Variants in TMCO6 observed in about 807,000 individuals in gnomAD.
TMCO6 encodes the protein transmembrane and coiled-coil domain-containing protein 6.
In TMCO6, 47 loss-of-function variants were observed where a neutral mutation model predicts 61.8. The ratio of observed to expected loss-of-function variants is 0.76; its 90% confidence interval spans 0.60 to 0.97. The LOEUF is 0.97. Among genes scored for constraint, TMCO6 ranks in the 50% least tolerant of loss-of-function variants. The probability of loss-of-function intolerance (pLI) is 0.00; values close to 1 mark genes in which losing one functional copy is unlikely to be tolerated. For synonymous variants in TMCO6, 261 were observed against 254.2 expected (o/e 1.03, Z -0.25); for missense variants, 557 against 601.6 (o/e 0.93, Z 0.78).
downstream of TMCO6, chr5:140,646,931 C>T (rs141695979): frequency 4.1e-4 from 106 of 259,334 alleles, 2 homozygotes; most frequent in East Asian, 7.8e-3. Context: ...TCACACACTA[C>T]CTGGACTGAC....
At chr5:140,641,523 A>T in intron 2 of TMCO6, 142 bp from the exon 3 acceptor site, 1 of 672,338 alleles carries the variant, frequency 1.5e-6, no homozygotes, top group Non-Finnish European at 2.6e-6. Flanking sequence ...ACTGCAAGGT[A>T]GATGCTTATT....
chr5:140,642,361 CTG>C lies in TMCO6; in HGVS notation c.548_549del (p.Val183GlufsTer39), dbSNP rs1174576473. On this transcript the variant is annotated frameshift_variant, in exon 5 of 12. Transcript: ENST00000394671. LOFTEE classifies it high-confidence loss of function. ...GGTAACCTGATCGTGGAGAGTGAGG[CTG>C]TGAGAAGGCAGCTCCTGCCACAGGG... 6.2e-7 allele frequency: 1 copy of C among 1,613,870 alleles called. No homozygotes were observed. Among genetic ancestry groups the C allele is most frequent in the South Asian group, 1.1e-5 (1 of 91,024 alleles).
chr5:140,621,685 C>A, the TMCO6 span, among the ~76,000 whole-genome samples: 1 of 152,192 alleles, frequency 6.6e-6, no homozygotes, highest in African/African-American at 2.4e-5. Flanking sequence ...AGCCATATTT[C>A]TCTTCTTTTA....
the TMCO6 span, chr5:140,633,338 C>A: frequency 8.5e-6 from 5 of 588,648 alleles, no homozygotes; most frequent in Non-Finnish European, 1.5e-5. Flanking sequence ...GGGACCGTAA[C>A]AGGAAGGATT....
the TMCO6 span, among the ~76,000 whole-genome samples, chr5:140,619,727 G>C: frequency 2.6e-5 from 4 of 152,014 alleles, no homozygotes; most frequent in Non-Finnish European, 5.9e-5. Context: ...AGCTCCTCTT[G>C]GTTTGTTTTC....
the TMCO6 span, among the ~76,000 whole-genome samples, chr5:140,605,478 G>A: frequency 9.9e-5 from 15 of 152,116 alleles, no homozygotes; most frequent in South Asian, 2.9e-3. Context: ...TCAGGAGTTC[G>A]AGACCAGCCT....
chr5:140,643,628 G>A lies in TMCO6; in HGVS notation c.871G>A (p.Asp291Asn). The part of the protein sequence containing the change: ...ALSTLGLLLL[D>N]LAGAVQKTED... The stretch of plus-strand genomic sequence containing the variant: ...GTCTACTCTGGGGTTGCTGCTGTTG[G>A]ACTTGGCTGGGGCTGTCCAGAAAAC... The change falls in exon 8 of 12, where the codon GAC becomes AAC. Residue 291 changes from aspartate to asparagine, a missense_variant. By Grantham distance (23) the Asp-to-Asn change is conservative. Transcript: ENST00000394671. 4.3e-6 allele frequency: 7 copies of A among 1,614,070 alleles called. No homozygotes were observed. Among genetic ancestry groups the A allele is most frequent in the Non-Finnish European group, 5.9e-6 (7 of 1,179,970 alleles).
chr5:140,631,956 G>A, the TMCO6 span: 9 of 1,613,278 alleles, frequency 5.6e-6, no homozygotes, highest in East Asian at 1.1e-4. Flanking sequence ...GGAGTTCATT[G>A]AGCCCTCGTG....
At chr5:140,641,810 A>G (rs1052393519) in intron 3 of TMCO6, 30 bp downstream of exon 3, 1 of 1,614,022 alleles carries the variant, frequency 6.2e-7, no homozygotes, top group African/African-American at 1.3e-5. Flanking sequence ...TGGAGGGAGG[A>G]GTTGGGGCTC....
chr5:140,615,129 A>C, the TMCO6 span, among the ~76,000 whole-genome samples: 1 of 152,218 alleles, frequency 6.6e-6, no homozygotes, highest in African/African-American at 2.4e-5. Context: ...AACACTGAAA[A>C]ATCACTGTTT....
chr5:140,643,372 T>C, intron 7 of TMCO6, 192 bp from the exon 8 acceptor site: 1 of 635,796 alleles, frequency 1.6e-6, no homozygotes, highest in Non-Finnish European at 2.8e-6. Flanking sequence ...AATTTTTGTA[T>C]TTCTAATAGA....
At chr5:140,640,098 A>C (rs572639127) in intron 2 of TMCO6, among the ~76,000 whole-genome samples, 58 of 152,252 alleles carry the variant, frequency 3.8e-4, no homozygotes, top group Admixed American at 3.7e-3. Context: ...CTCACCATCG[A>C]AGCTGCCACC....
At chr5:140,628,009 A>C in the TMCO6 span, among the ~76,000 whole-genome samples, 3 of 137,414 alleles carry the variant, frequency 2.2e-5, no homozygotes, top group Admixed American at 2.2e-4. Context: ...CAGGTTGACT[A>C]TCTTTTTTTT....
downstream of TMCO6, among the ~76,000 whole-genome samples, chr5:140,646,007 CTCT>C (rs1181809223): frequency 2.2e-5 from 3 of 138,580 alleles, no homozygotes; most frequent in Non-Finnish European, 3.1e-5. Context: ...CCCATTCTCT[CTCT>C]TTTTTTTTTT....
the TMCO6 span, among the ~76,000 whole-genome samples, chr5:140,605,837 C>A: frequency 3.9e-5 from 6 of 151,982 alleles, no homozygotes; most frequent in Non-Finnish European, 7.4e-5. Context: ...ACCAGTGAAG[C>A]TATCTGGTCT....
the TMCO6 span, among the ~76,000 whole-genome samples, chr5:140,597,046 A>G: frequency 6.6e-6 from 1 of 152,244 alleles, no homozygotes; most frequent in Admixed American, 6.5e-5. Flanking sequence ...GCTCTGTGCC[A>G]GGAACTGGGG....
At chr5:140,621,996 G>A in the TMCO6 span, among the ~76,000 whole-genome samples, 2 of 152,100 alleles carry the variant, frequency 1.3e-5, no homozygotes, top group Non-Finnish European at 1.5e-5. Flanking sequence ...TTTTAATTTC[G>A]TCTCGGTCCT....
chr5:140,631,868 C>T, the TMCO6 span: 1 of 1,562,430 alleles, frequency 6.4e-7, no homozygotes, highest in Non-Finnish European at 8.7e-7. Flanking sequence ...AGGCAAAGCC[C>T]CGGGCCCCTT....
At chr5:140,647,329 C>T (rs745399748), downstream of TMCO6, 5 of 1,604,854 alleles carry the variant, frequency 3.1e-6, no homozygotes, top group Non-Finnish European at 4.3e-6. Flanking sequence ...GATTCGCCTT[C>T]TTCAGCTCCA....
Sources: gnomAD v4.1 joint callset for allele counts (sites outside exome capture counted in the v4.1 genomes callset) on GRCh38, gnomAD v4.1.1 for gene constraint, MANE v1.5 for transcripts, NCBI Gene and HGNC (gene_info 2026-07-23, HGNC 2026-07-21) for gene names.